COBLL1: variants seen among roughly 807,000 people sequenced by gnomAD.
The protein encoded by COBLL1 is cordon-bleu protein-like 1.
Under a neutral mutation model 94.8 loss-of-function variants are expected in COBLL1, and 50 were observed. The ratio of observed to expected loss-of-function variants is 0.53; its 90% confidence interval spans 0.42 to 0.67. The LOEUF (loss-of-function observed/expected upper bound fraction) is 0.67. COBLL1 is among the 30% of genes least tolerant of loss of function. The pLI is 0.00. For missense variants in COBLL1, 1,362 were observed against 1,348.7 expected (o/e 1.01, Z -0.15); for synonymous variants, 448 against 473.8 (o/e 0.95, Z 0.71).
intron 2 of COBLL1, chr2:164,837,291 T>C: frequency 3.6e-6 from 1 of 278,090 alleles, no homozygotes; most frequent in Non-Finnish European, 7.5e-6. Context: ...AAGCACTAGT[T>C]CCAAAGATAA....
At chr2:164,695,913 A>G in intron 11 of COBLL1, 77 bp from the exon 12 acceptor site, 1 of 1,150,284 alleles carries the variant, frequency 8.7e-7, no homozygotes, top group Non-Finnish European at 1.2e-6. Flanking sequence ...ACTTTCTCCA[A>G]CCTGAAATAG....
At chr2:164,842,014 C>G (rs1405312215), upstream of COBLL1, 4 of 1,539,654 alleles carry the variant, frequency 2.6e-6, no homozygotes, top group East Asian at 2.5e-5. Context: ...GCAGCACGGC[C>G]GCACATAAGT....
chr2:164,694,606 G>A lies in COBLL1; in HGVS notation c.2786C>T (p.Pro929Leu). The A allele has an allele frequency of 6.2e-7, 1 of 1,613,922 alleles. No individual in the cohort carries two copies. Among genetic ancestry groups the A allele is most frequent in the Non-Finnish European group, 8.5e-7 (1 of 1,179,950 alleles). Residue 929 changes from proline to leucine, a missense_variant, in exon 12 of 14, where the codon CCC becomes CTC. Pro to Leu is a moderately conservative substitution (Grantham distance 98). Transcript: ENST00000652658. ...LSKMPHSVPQPLVEKTDDDVI... is the reference protein window; with the variant it reads ...LSKMPHSVPQLLVEKTDDDVI... ...ATCATCATCAGTTTTTTCAACAAGG[G>A]GTTGTGGAACAGAGTGAGGCATTTT...
chr2:164,697,207 C>T (rs1268647769), intron 11 of COBLL1: 1 of 152,042 alleles, frequency 6.6e-6, no homozygotes, highest in African/African-American at 2.4e-5. Context: ...TATTGTGTTG[C>T]AAGATTCCTA....
intron 2 of COBLL1, among the ~76,000 whole-genome samples, chr2:164,827,543 C>T (rs1325536006): frequency 2.0e-5 from 3 of 152,138 alleles, no homozygotes; most frequent in African/African-American, 4.8e-5. Flanking sequence ...CTTTCATGAG[C>T]TAGAAGAAAA....
At chr2:164,819,512 T>G (rs567229045) in intron 2 of COBLL1, among the ~76,000 whole-genome samples, 1 of 152,076 alleles carries the variant, frequency 6.6e-6, no homozygotes, top group Non-Finnish European at 1.5e-5. Context: ...CCACCAAAAT[T>G]TGACAACGTA....
chr2:164,783,869 A>G lies in COBLL1; in HGVS notation c.42-39994T>C, dbSNP rs532495784. ...TGGTCTCAGTTATTTAAGAGGCTGAAGCAGGAAGATTGCTTGAGCCTGGGA... is the reference window on the plus strand; with the variant it reads ...TGGTCTCAGTTATTTAAGAGGCTGAGGCAGGAAGATTGCTTGAGCCTGGGA... On this transcript the variant is annotated intron_variant, in intron 2 of 13. Coordinates refer to ENST00000652658, the MANE Select transcript of COBLL1 (RefSeq NM_001365672.2). Among the ~76,000 whole-genome samples the G allele has an allele frequency of 1.8e-4, 27 of 152,106 alleles. 1 individual carries two copies. The highest frequency in any genetic ancestry group is 5.8e-4 in the African/African-American group (24 of 41,540).
intron 1 of COBLL1, among the ~76,000 whole-genome samples, chr2:164,671,066 A>G (rs542102755): frequency 2.0e-5 from 3 of 152,330 alleles, no homozygotes; most frequent in South Asian, 4.1e-4. Context: ...TAGAGATGAT[A>G]AAACAGCAGA....
intron 2 of COBLL1, among the ~76,000 whole-genome samples, chr2:164,821,601 GAGACA>G (rs1162921146): frequency 1.3e-5 from 2 of 152,308 alleles, no homozygotes; most frequent in East Asian, 3.9e-4. Flanking sequence ...TACAGGCTCA[GAGACA>G]AGGCCTTTTC....
At chr2:164,663,357 G>A (rs938366470) in intron 2 of COBLL1, among the ~76,000 whole-genome samples, 1 of 152,032 alleles carries the variant, frequency 6.6e-6, no homozygotes, top group African/African-American at 2.4e-5. Context: ...TTGAATGCTT[G>A]TTCACTGTTG....
At chr2:164,761,471 T>G (rs1298115804) in intron 2 of COBLL1, 3 of 138,116 alleles carry the variant, frequency 2.2e-5, no homozygotes, top group African/African-American at 7.9e-5. Flanking sequence ...AAAAAAAAAA[T>G]GCAAATGCTG....
chr2:164,700,500 C>T (rs368454108), intron 10 of COBLL1, 22 bp downstream of exon 10: 205 of 1,488,512 alleles, frequency 1.4e-4, no homozygotes, highest in Middle Eastern at 1.7e-4. Context: ...GCCACCAACA[C>T]TCCAGCACAG....
intron 2 of COBLL1, among the ~76,000 whole-genome samples, chr2:164,797,649 C>G (rs116268413): frequency 1.3e-4 from 20 of 152,244 alleles, no homozygotes; most frequent in African/African-American, 4.8e-4. Context: ...TGAGGTATAA[C>G]TGAAATACCA....
chr2:164,721,835 C>CTT (rs765085640), intron 7 of COBLL1: 65 of 264,532 alleles, frequency 2.5e-4, no homozygotes, highest in Non-Finnish European at 4.3e-4. Context: ...ATGAAAGTTA[C>CTT]TTAAAATGGA....
intron 2 of COBLL1, among the ~76,000 whole-genome samples, chr2:164,840,519 C>A (rs1683540462): frequency 1.3e-5 from 2 of 151,470 alleles, no homozygotes; most frequent in Non-Finnish European, 2.9e-5. Context: ...CATGTGACAG[C>A]CCCCTTCCTC....
chr2:164,700,451 G>T, intron 10 of COBLL1, 71 bp downstream of exon 10: 1 of 910,878 alleles, frequency 1.1e-6, no homozygotes, highest in Non-Finnish European at 1.7e-6. Context: ...TAAAATATCA[G>T]ATCTATATTT....
At chr2:164,660,508 G>A (rs1691054029) in intron 2 of COBLL1, among the ~76,000 whole-genome samples, 1 of 152,146 alleles carries the variant, frequency 6.6e-6, no homozygotes, top group African/African-American at 2.4e-5. Context: ...AAGTGAAGTA[G>A]AGGAGGAGAC....
Position 164,727,975 on chromosome 2 carries a change from T to G in COBLL1, c.655A>C (p.Asn219His). The G allele has an allele frequency of 3.1e-6, 5 of 1,596,248 alleles. No homozygotes were observed. Among genetic ancestry groups the G allele is most frequent in the Non-Finnish European group, 4.3e-6 (5 of 1,163,914 alleles). ...GLRELYAMDV[N>H]RESCQISQNL... is the part of the protein sequence containing the mutation. The stretch of plus-strand genomic sequence containing the variant: ...AAATAAAAGTCTTACTTACCTCTGT[T>G]GACATCCATCGCATATAATTCTCTT... The change falls in exon 5 of 14, where the codon AAC becomes CAC. Residue 219 changes from asparagine to histidine, a missense_variant. Asn to His is a moderately conservative substitution (Grantham distance 68). Coordinates refer to ENST00000652658, the MANE Select transcript of COBLL1 (RefSeq NM_001365672.2).
intron 2 of COBLL1, among the ~76,000 whole-genome samples, chr2:164,789,177 A>G (rs907045836): frequency 6.6e-6 from 1 of 152,106 alleles, no homozygotes; most frequent in African/African-American, 2.4e-5. Flanking sequence ...TCAAAAAACA[A>G]GCAAGATCTT....
Sources: gnomAD v4.1 joint callset for allele counts (sites outside exome capture counted in the v4.1 genomes callset) on GRCh38, gnomAD v4.1.1 for gene constraint, MANE v1.5 for transcripts, NCBI Gene and HGNC (gene_info 2026-07-23, HGNC 2026-07-21) for gene names.